The following SDK1 variants were observed in gnomAD, a reference collection of about 807,000 sequenced individuals.
SDK1 encodes the protein sidekick cell adhesion molecule 1, also known as protein sidekick-1.
In SDK1, 157 loss-of-function variants were observed where a neutral mutation model predicts 245.5. The ratio of observed to expected loss-of-function variants is 0.64; its 90% CI spans 0.56 to 0.73. The LOEUF is 0.73. SDK1 is among the 30% of genes least tolerant of loss of function. The probability of loss-of-function intolerance (pLI) is 0.00; values close to 1 mark genes in which losing one functional copy is unlikely to be tolerated. For synonymous variants in SDK1, 1,647 were observed against 1,278.5 expected (o/e 1.29, Z -6.15); for missense variants, 3,583 against 3,002.3 (o/e 1.19, Z -4.52).
At chr7:4,200,292 A>C (rs993088270) in intron 35 of SDK1, among the ~76,000 whole-genome samples, 1 of 152,230 alleles carries the variant, frequency 6.6e-6, no homozygotes, top group African/African-American at 2.4e-5. Context: ...GGAGACTTCA[A>C]AATGTGCAGA....
chr7:3,703,915 T>G (rs544078059), intron 4 of SDK1, among the ~76,000 whole-genome samples: 1 of 152,340 alleles, frequency 6.6e-6, no homozygotes, highest in Non-Finnish European at 1.5e-5. Context: ...TTTCATCTTT[T>G]TATTTCAATA....
intron 37 of SDK1, 59 bp from the exon 38 acceptor site, chr7:4,209,966 T>A (rs1260501157): frequency 1.5e-6 from 2 of 1,365,286 alleles, no homozygotes; most frequent in Non-Finnish European, 2.0e-6. Context: ...CACAGACATG[T>A]ATGTATATGA....
chr7:3,645,027 C>T (rs1485005547), intron 4 of SDK1, among the ~76,000 whole-genome samples: 3 of 152,116 alleles, frequency 2.0e-5, no homozygotes, highest in African/African-American at 4.8e-5. Context: ...AGAATTCTTT[C>T]AACTTAGCAG....
chr7:3,929,829 A>C (rs1227608169), intron 5 of SDK1, among the ~76,000 whole-genome samples: 1 of 152,080 alleles, frequency 6.6e-6, no homozygotes, highest in African/African-American at 2.4e-5. Context: ...TGAGGCTGGT[A>C]ATTTATAAGG....
At position 4,220,287 on chromosome 7, in the gene SDK1, G is replaced by T. The variant is rs376524388; in HGVS notation, c.5701+17G>T. The T allele has an allele frequency of 6.2e-6, 10 of 1,606,496 alleles. No homozygotes were observed. The highest frequency in any genetic ancestry group is 2.7e-5 in the African/African-American group (2 of 74,878). ...CAGCCGAGGGTAAGTGGAACTCCAG[G>T]GGCAGACAATGTCAATTGCAACTTT... On this transcript the variant is annotated intron_variant, in intron 39 of 44. Transcript: ENST00000404826.
intron 17 of SDK1, among the ~76,000 whole-genome samples, chr7:4,030,726 G>T (rs2342491): frequency 6.6e-6 from 1 of 152,062 alleles, no homozygotes; most frequent in East Asian, 1.9e-4. Context: ...TCCAGCTTGC[G>T]TCCATGCCTT....
Position 3,598,654 on chromosome 7 carries a change from C to G in SDK1, c.299-20426C>G, listed in dbSNP as rs191851286. Among the ~76,000 whole-genome samples, 366 of 152,276 alleles carry G rather than the reference C, an allele frequency of 2.4e-3. 3 individuals are homozygous for G. Among genetic ancestry groups the G allele is most frequent in the South Asian group, 0.017 (83 of 4,820 alleles). ...CCCTGGCCCTGGCAAACCCTAATCC[C>G]TTCTCTATTTCTATACTTTTGTCAT... On this transcript the variant is annotated intron_variant, in intron 1 of 44. Coordinates refer to ENST00000404826, the MANE Select transcript of SDK1 (RefSeq NM_152744.4).
At chr7:3,787,147 C>CACAT (rs1491115582) in intron 4 of SDK1, among the ~76,000 whole-genome samples, 1 of 26,994 alleles carries the variant, frequency 3.7e-5, no homozygotes, top group African/African-American at 3.6e-4. Flanking sequence ...GTATTGAAAT[C>CACAT]ACACACACAC....
At chr7:3,613,978 T>G (rs1189084447) in intron 1 of SDK1, among the ~76,000 whole-genome samples, 1 of 152,014 alleles carries the variant, frequency 6.6e-6, no homozygotes, top group African/African-American at 2.4e-5. Context: ...TGTTGGAGCG[T>G]GGAGGATGAG....
chr7:3,385,848 G>A lies in SDK1; in HGVS notation c.298+83964G>A, dbSNP rs1781597423. Among the ~76,000 whole-genome samples the A allele has an allele frequency of 2.0e-5, 3 of 152,092 alleles. No individual in the cohort carries two copies. The South Asian group carries it at 6.2e-4, about 31-fold the overall frequency. On this transcript the variant is annotated intron_variant, in intron 1 of 44. Transcript: ENST00000404826. Reference sequence around the variant, plus strand: ...AGACCAAATTTTTGTTTGCTTATATGATTTTTACACCCATTATTTCAGCAC... The same window carrying A: ...AGACCAAATTTTTGTTTGCTTATATAATTTTTACACCCATTATTTCAGCAC...
intron 1 of SDK1, among the ~76,000 whole-genome samples, chr7:3,436,647 C>G (rs952202421): frequency 1.3e-5 from 2 of 151,988 alleles, no homozygotes; most frequent in African/African-American, 4.8e-5. Flanking sequence ...TGGCTATGAA[C>G]CATGTAATAT....
intron 4 of SDK1, among the ~76,000 whole-genome samples, chr7:3,813,286 A>G (rs1354951956): frequency 1.6e-5 from 2 of 124,038 alleles, no homozygotes; most frequent in East Asian, 5.1e-4. Context: ...CACAGTCCCC[A>G]GAGTGTGATA....
At chr7:3,725,717 C>T (rs1309581905) in intron 4 of SDK1, among the ~76,000 whole-genome samples, 3 of 152,124 alleles carry the variant, frequency 2.0e-5, no homozygotes, top group Admixed American at 6.5e-5. Context: ...CTTCAGTTGC[C>T]GGAAGCCAAG....
At chr7:4,210,275 G>T in intron 38 of SDK1, 113 bp downstream of exon 38, 1 of 1,127,472 alleles carries the variant, frequency 8.9e-7, no homozygotes, top group Non-Finnish European at 1.2e-6. Flanking sequence ...GCCTTCTGGC[G>T]CCTGAAGTGG....
intron 1 of SDK1, among the ~76,000 whole-genome samples, chr7:3,618,287 A>G (rs1293065644): frequency 1.3e-5 from 2 of 152,144 alleles, no homozygotes; most frequent in Non-Finnish European, 2.9e-5. Context: ...AAGCCATCCC[A>G]TTACCTTCAC....
At chr7:3,952,925 C>T (rs939665711) in intron 7 of SDK1, among the ~76,000 whole-genome samples, 4 of 152,048 alleles carry the variant, frequency 2.6e-5, no homozygotes, top group African/African-American at 9.7e-5. Flanking sequence ...CTCATTTTTC[C>T]AGCTACTGTC....
At chr7:4,048,047 A>G (rs1000145130) in intron 17 of SDK1, among the ~76,000 whole-genome samples, 1 of 152,066 alleles carries the variant, frequency 6.6e-6, no homozygotes, top group Non-Finnish European at 1.5e-5. Context: ...GGAAGAGAAG[A>G]CTTGAGGGGC....
At chr7:3,421,290 T>A (rs542448704) in intron 1 of SDK1, among the ~76,000 whole-genome samples, 1 of 152,220 alleles carries the variant, frequency 6.6e-6, no homozygotes, top group South Asian at 2.1e-4. Context: ...CAAGCTGGTC[T>A]TGAATTCCTG....
At chr7:3,602,933 G>C (rs1049928645) in intron 1 of SDK1, among the ~76,000 whole-genome samples, 1 of 152,080 alleles carries the variant, frequency 6.6e-6, no homozygotes, top group Non-Finnish European at 1.5e-5. Flanking sequence ...ATTAAATAGG[G>C]AATCCTTTCC....
Sources: allele counts gnomAD v4.1 joint callset (sites outside exome capture counted in the v4.1 genomes callset), GRCh38; gene constraint gnomAD v4.1.1; transcripts MANE v1.5; gene names NCBI Gene and HGNC (gene_info 2026-07-23, HGNC 2026-07-21).